Variants in CACNA2D3 observed in about 807,000 individuals in gnomAD.
The protein encoded by CACNA2D3 is calcium voltage-gated channel auxiliary subunit alpha2delta 3.
A neutral mutation model predicts 160.6 loss-of-function variants in CACNA2D3; 60 were observed. The observed-to-expected ratio is 0.37, with a 90% CI of 0.30 to 0.46. The LOEUF (loss-of-function observed/expected upper bound fraction) is 0.46, where lower values mean the gene tolerates loss of function less well. Ranked by LOEUF, CACNA2D3 falls within the 20% of genes least tolerant of loss-of-function variation. The probability of loss-of-function intolerance (pLI) is 1.00; values close to 1 mark genes in which losing one functional copy is unlikely to be tolerated. For synonymous variants in CACNA2D3, 558 were observed against 492.9 expected (o/e 1.13, Z -1.75); for missense variants, 1,205 against 1,365.0 (o/e 0.88, Z 1.85).
chr3:54,486,985 G>A (rs931555312), intron 4 of CACNA2D3, among the ~76,000 whole-genome samples: 4 of 152,194 alleles, frequency 2.6e-5, no homozygotes, highest in African/African-American at 7.2e-5. Context: ...ACTTCCATAT[G>A]CTGATTTTCT....
chr3:54,855,706 C>A (rs369268757), intron 17 of CACNA2D3, among the ~76,000 whole-genome samples: 5 of 152,320 alleles, frequency 3.3e-5, no homozygotes, highest in East Asian at 1.9e-4. Context: ...TTATCTATCT[C>A]CCATTGTAGT....
At chr3:54,136,666 G>T (rs535994112) in intron 2 of CACNA2D3, among the ~76,000 whole-genome samples, 138 of 152,290 alleles carry the variant, frequency 9.1e-4, no homozygotes, top group African/African-American at 3.2e-3. Context: ...GCCCATGCCC[G>T]TGCCATTGCC....
intron 5 of CACNA2D3, among the ~76,000 whole-genome samples, chr3:54,516,597 A>G (rs551617281): frequency 3.3e-4 from 51 of 152,296 alleles, no homozygotes; most frequent in African/African-American, 9.4e-4. Context: ...AATGGCCTAC[A>G]GAGATTGAGG....
chr3:54,157,824 A>C (rs1700271952), intron 2 of CACNA2D3, among the ~76,000 whole-genome samples: 1 of 109,690 alleles, frequency 9.1e-6, no homozygotes, highest in African/African-American at 4.1e-5. Context: ...AAGCAAAAAA[A>C]CCCAACCAAA....
chr3:54,687,739 A>C (rs1210313445), intron 11 of CACNA2D3, among the ~76,000 whole-genome samples: 1 of 152,206 alleles, frequency 6.6e-6, no homozygotes, highest in Non-Finnish European at 1.5e-5. Flanking sequence ...TTGGCTTTCT[A>C]AACCCTTGTG....
chr3:54,751,061 C>T (rs747166264), intron 11 of CACNA2D3, among the ~76,000 whole-genome samples: 4 of 151,972 alleles, frequency 2.6e-5, no homozygotes, highest in East Asian at 3.9e-4. Flanking sequence ...TGAGCCACTG[C>T]GCTCAGCTGG....
intron 35 of CACNA2D3, among the ~76,000 whole-genome samples, chr3:55,050,095 C>G (rs1047687422): frequency 1.3e-5 from 2 of 151,640 alleles, no homozygotes; most frequent in Non-Finnish European, 1.5e-5. Context: ...AGCATTTAGT[C>G]CATTTACATT....
At chr3:54,547,185 G>A (rs1271108496) in intron 5 of CACNA2D3, among the ~76,000 whole-genome samples, 1 of 152,192 alleles carries the variant, frequency 6.6e-6, no homozygotes, top group African/African-American at 2.4e-5. Context: ...CTTGTTAATA[G>A]TTCTTGGCTA....
chr3:54,606,031 A>T (rs1263259484), intron 9 of CACNA2D3, among the ~76,000 whole-genome samples: 1 of 152,156 alleles, frequency 6.6e-6, no homozygotes, highest in Non-Finnish European at 1.5e-5. Flanking sequence ...TAGATTAACT[A>T]TTCTTCCTTT....
At chr3:54,626,716 A>C in intron 9 of CACNA2D3, 1 of 731,046 alleles carries the variant, frequency 1.4e-6, no homozygotes, top group Non-Finnish European at 2.3e-6. Flanking sequence ...AAAAGAAAGA[A>C]AAAGAAAGGG....
intron 34 of CACNA2D3, among the ~76,000 whole-genome samples, chr3:55,013,684 T>A (rs562819041): frequency 8.5e-4 from 130 of 152,290 alleles, no homozygotes; most frequent in African/African-American, 3.1e-3. Flanking sequence ...TGAAGGGGAC[T>A]GTGGAAGCCC....
chr3:54,399,880 C>T lies in CACNA2D3; in HGVS notation c.381+13106C>T, dbSNP rs1211444142. ...GCTTCCCAGCAAGCCTGGGCAATGG[C>T]GGGCGCCCCTCCCCCAGCCTCGTTG... On this transcript the variant is annotated intron_variant, in intron 4 of 37. Coordinates refer to ENST00000474759, the MANE Select transcript of CACNA2D3 (RefSeq NM_018398.3). Among the ~76,000 whole-genome samples the T allele has an allele frequency of 4.0e-5, 5 of 125,328 alleles. 1 individual carries two copies. Among genetic ancestry groups the T allele is most frequent in the African/African-American group, 1.6e-4 (5 of 32,178 alleles). The allele number at this position is 125,328 out of a possible 152,430, so 82.2% of individuals were successfully genotyped here.
At chr3:55,015,467 C>T (rs1272680023) in intron 34 of CACNA2D3, among the ~76,000 whole-genome samples, 3 of 152,228 alleles carry the variant, frequency 2.0e-5, no homozygotes, top group Non-Finnish European at 4.4e-5. Context: ...GCAATTTCTT[C>T]ATAAATGTAG....
At chr3:54,467,302 A>C (rs1326360185) in intron 4 of CACNA2D3, among the ~76,000 whole-genome samples, 2 of 152,206 alleles carry the variant, frequency 1.3e-5, no homozygotes, top group Non-Finnish European at 2.9e-5. Context: ...TGTGAACTGT[A>C]AAGTGTGACC....
intron 4 of CACNA2D3, among the ~76,000 whole-genome samples, chr3:54,437,238 G>GT (rs1241567030): frequency 1.3e-5 from 2 of 152,114 alleles, no homozygotes; most frequent in Admixed American, 1.3e-4. Flanking sequence ...ATGAGCCGTC[G>GT]TAACGACTGT....
intron 2 of CACNA2D3, among the ~76,000 whole-genome samples, chr3:54,271,506 G>T (rs140291979): frequency 1.5e-4 from 23 of 152,336 alleles, no homozygotes; most frequent in African/African-American, 5.5e-4. Flanking sequence ...TGGCCAAAAA[G>T]ACATCTATAG....
At chr3:54,656,888 A>G (rs1218660214) in intron 11 of CACNA2D3, among the ~76,000 whole-genome samples, 1 of 152,212 alleles carries the variant, frequency 6.6e-6, no homozygotes, top group East Asian at 1.9e-4. Flanking sequence ...TGCTCATGTT[A>G]TGATCACAGT....
intron 13 of CACNA2D3, among the ~76,000 whole-genome samples, chr3:54,775,741 T>C (rs1163715184): frequency 1.3e-5 from 2 of 152,150 alleles, no homozygotes; most frequent in Non-Finnish European, 2.9e-5. Context: ...CTTCTGATGA[T>C]CAAACACTGG....
intron 2 of CACNA2D3, among the ~76,000 whole-genome samples, chr3:54,249,364 C>A (rs1702137840): frequency 6.6e-6 from 1 of 152,056 alleles, no homozygotes; most frequent in South Asian, 2.1e-4. Flanking sequence ...TGGGCCTTGT[C>A]TAATCCATTA....
Sources: gnomAD v4.1 joint callset for allele counts (sites outside exome capture counted in the v4.1 genomes callset) on GRCh38, gnomAD v4.1.1 for gene constraint, MANE v1.5 for transcripts, NCBI Gene and HGNC (gene_info 2026-07-23, HGNC 2026-07-21) for gene names.